The following TBL1X variants were observed in gnomAD, a reference collection of about 807,000 sequenced individuals.
The protein encoded by TBL1X is transducin beta like 1 X-linked, also known as F-box-like/WD repeat-containing protein TBL1X.
TBL1X carries 10 observed loss-of-function variants against 50.7 expected under a neutral mutation model. The observed-to-expected ratio is 0.20, with a 90% CI of 0.12 to 0.33. The LOEUF is 0.33. TBL1X is among the 10% of genes least tolerant of loss of function. The pLI is 1.00. For synonymous variants in TBL1X, 190 were observed against 214.7 expected, an observed-to-expected ratio of 0.88 and a Z score of 1.01; for missense variants, 340 against 504.4, an observed-to-expected ratio of 0.67 and a Z score of 3.12.
At chrX:9,478,706 C>T (rs1393775981) in intron 1 of TBL1X, among the ~76,000 whole-genome samples, 1 of 112,164 alleles carries the variant, frequency 8.9e-6, no homozygotes, top group Non-Finnish European at 1.9e-5. Context: ...CAGTTACTCC[C>T]GCAGATAACA....
At chrX:9,589,562 CACACACTAATCCCTGA>C (rs1335593781) in intron 2 of TBL1X, among the ~76,000 whole-genome samples, 7 of 111,483 alleles carry the variant, frequency 6.3e-5, no homozygotes, top group African/African-American at 2.3e-4. Context: ...GATGCCGGTG[CACACACTAATCCCTGA>C]ACACACTAAG....
chrX:9,581,631 A>G (rs923648192), intron 2 of TBL1X, among the ~76,000 whole-genome samples: 1 of 112,191 alleles, frequency 8.9e-6, no homozygotes, highest in Non-Finnish European at 1.9e-5. Context: ...GCCAAGAGTG[A>G]TGGCTCACAA....
intron 2 of TBL1X, among the ~76,000 whole-genome samples, chrX:9,615,653 C>T (rs1468164329): frequency 2.7e-5 from 3 of 112,136 alleles, no homozygotes. Context: ...CTTTCTTTTT[C>T]CACAGATGGG....
At chrX:9,528,924 A>G (rs1042150823) in intron 2 of TBL1X, among the ~76,000 whole-genome samples, 4 of 111,238 alleles carry the variant, frequency 3.6e-5, no homozygotes, top group Admixed American at 1.9e-4. Context: ...CTGAACGGGA[A>G]TCTTGGCCAC....
At chrX:9,515,789 C>T (rs1255681704) in intron 2 of TBL1X, among the ~76,000 whole-genome samples, 1 of 111,354 alleles carries the variant, frequency 9.0e-6, no homozygotes, top group Non-Finnish European at 1.9e-5. Flanking sequence ...TTGGGCTAAA[C>T]GAAAAAGGGT....
intron 2 of TBL1X, among the ~76,000 whole-genome samples, chrX:9,597,952 C>A (rs2082534856): frequency 8.9e-6 from 1 of 112,445 alleles, no homozygotes; most frequent in South Asian, 3.6e-4. Context: ...AATTGTGTCC[C>A]TGCAAAAGGG....
chrX:9,625,511 T>C (rs189514344), intron 2 of TBL1X, among the ~76,000 whole-genome samples: 1 of 112,394 alleles, frequency 8.9e-6, no homozygotes, highest in African/African-American at 3.2e-5. Context: ...CAGAGTTTGC[T>C]AGCTTGCATT....
chrX:9,662,619 A>G (rs1260433879), intron 5 of TBL1X, among the ~76,000 whole-genome samples: 1 of 111,834 alleles, frequency 8.9e-6, no homozygotes, highest in African/African-American at 3.3e-5. Context: ...TGCAAAATGA[A>G]TAACGTTCTG....
intron 2 of TBL1X, among the ~76,000 whole-genome samples, chrX:9,621,816 C>T (rs1272740245): frequency 8.9e-6 from 1 of 111,853 alleles, no homozygotes; most frequent in Non-Finnish European, 1.9e-5. Context: ...GCTCAGTTCT[C>T]CAGGGATGGA....
intron 1 of TBL1X, among the ~76,000 whole-genome samples, chrX:9,472,123 T>C (rs186534972): frequency 8.9e-6 from 1 of 112,264 alleles, no homozygotes; most frequent in Admixed American, 9.4e-5. Context: ...GGGACCTGCC[T>C]GTTGTTAGGA....
At chrX:9,576,753 C>T (rs1052611488) in intron 2 of TBL1X, among the ~76,000 whole-genome samples, 5 of 104,093 alleles carry the variant, frequency 4.8e-5, no homozygotes, top group African/African-American at 1.8e-4. Flanking sequence ...AATCCCAGCA[C>T]TTTGGGAGTC....
intron 1 of TBL1X, among the ~76,000 whole-genome samples, chrX:9,467,003 C>G (rs1321949441): frequency 8.9e-6 from 1 of 112,056 alleles, no homozygotes; most frequent in Non-Finnish European, 1.9e-5. Flanking sequence ...CCCCAACTCT[C>G]AGGCATTTTG....
chrX:9,556,821 T>C (rs2082303221), intron 2 of TBL1X, among the ~76,000 whole-genome samples: 1 of 109,719 alleles, frequency 9.1e-6, no homozygotes, highest in Non-Finnish European at 1.9e-5. Context: ...TTTGTTTTTT[T>C]TTTGCTTTCT....
chrX:9,606,862 A>G (rs2082586146), intron 2 of TBL1X, among the ~76,000 whole-genome samples: 1 of 112,054 alleles, frequency 8.9e-6, no homozygotes, highest in South Asian at 3.7e-4. Flanking sequence ...TAACTTCAGA[A>G]CTGCTGCTGT....
At chrX:9,464,097 C>T (rs1439659222), upstream of TBL1X, among the ~76,000 whole-genome samples, 2 of 111,295 alleles carry the variant, frequency 1.8e-5, no homozygotes, top group Non-Finnish European at 3.8e-5. Flanking sequence ...ACGAGGCTGA[C>T]CCCAGAGGTG....
chrX:9,580,374 G>A (rs745471414), intron 2 of TBL1X, among the ~76,000 whole-genome samples: 2 of 112,021 alleles, frequency 1.8e-5, no homozygotes, highest in South Asian at 7.5e-4. Context: ...TGGAAAGGCG[G>A]GACAACTCAA....
At chrX:9,539,632 T>C (rs185377238) in intron 2 of TBL1X, among the ~76,000 whole-genome samples, 307 of 111,996 alleles carry the variant, frequency 2.7e-3, no homozygotes, top group African/African-American at 9.6e-3. Flanking sequence ...GAATATTGTT[T>C]ATAGCACTTC....
In TBL1X at chrX:9,526,584, A is replaced by T. The variant is rs765318199; in HGVS notation, c.-131+24735A>T. Among the ~76,000 whole-genome samples the T allele has an allele frequency of 5.4e-5, 6 of 110,921 alleles. No individual in the cohort carries two copies. In the South Asian group the frequency reaches 2.3e-3, roughly 42 times the overall value. On this transcript the variant is annotated intron_variant, in intron 2 of 17. Coordinates refer to ENST00000645353, the MANE Select transcript of TBL1X (RefSeq NM_005647.4). ...GTTTTTCTTCTGCAGCAAGGTGGGT[A>T]CCCTTTTTCTGTAAGGGACCAGAGA...
At chrX:9,707,732 A>G (rs1381861154) in intron 13 of TBL1X, among the ~76,000 whole-genome samples, 2 of 112,173 alleles carry the variant, frequency 1.8e-5, no homozygotes, top group East Asian at 2.8e-4. Context: ...ATACACATTC[A>G]CACTCATAGA....
Sources: gnomAD v4.1 joint callset for allele counts (sites outside exome capture counted in the v4.1 genomes callset) on GRCh38, gnomAD v4.1.1 for gene constraint, MANE v1.5 for transcripts, NCBI Gene and HGNC (gene_info 2026-07-23, HGNC 2026-07-21) for gene names.